ANKDD1A: variants seen among roughly 807,000 people sequenced by gnomAD.
ANKDD1A encodes the protein ankyrin repeat and death domain-containing protein 1A.
A neutral mutation model predicts 63.5 loss-of-function variants in ANKDD1A; 59 were observed. That is an observed-to-expected ratio of 0.93 (90% CI 0.75 to 1.15). The LOEUF (loss-of-function observed/expected upper bound fraction) is 1.15. ANKDD1A is among the 50% of genes most tolerant of loss of function. The pLI is 0.00. For synonymous variants in ANKDD1A, 266 were observed against 263.9 expected, an observed-to-expected ratio of 1.01 and a Z score of -0.08; for missense variants, 632 against 656.4, an observed-to-expected ratio of 0.96 and a Z score of 0.41.
In ANKDD1A at chr15:64,931,502, C is replaced by A; in HGVS notation, c.685C>A (p.Leu229Met). 1 of 1,613,908 alleles carries A rather than the reference C, an allele frequency of 6.2e-7. No individual in the cohort carries two copies. Among genetic ancestry groups the A allele is most frequent in the Non-Finnish European group, 8.5e-7 (1 of 1,179,936 alleles). Residue 229 changes from leucine to methionine, a missense_variant, in exon 8 of 15, where the codon CTG becomes ATG. By Grantham distance (15) the Leu-to-Met change is conservative. Transcript: ENST00000319580. ...TGTGTTGCAGGAAGGTCTGACTGCCCTGCATTCGGCTGCTGGAGGATCCCA... is the reference window on the plus strand; with the variant it reads ...TGTGTTGCAGGAAGGTCTGACTGCCATGCATTCGGCTGCTGGAGGATCCCA... The part of the protein sequence containing the change: ...EEQNAEGLTA[L>M]HSAAGGSHPD...
chr15:64,911,996 G>GCCCCCCCC, intron 1 of ANKDD1A, 32 bp downstream of exon 1: 4 of 320,686 alleles, frequency 1.2e-5, no homozygotes, highest in Non-Finnish European at 2.1e-5. Flanking sequence ...AGGGGGGCGG[G>GCCCCCCCC]CCGAGGCCGA....
chr15:64,935,853 A>G (rs1323994485), intron 9 of ANKDD1A, among the ~76,000 whole-genome samples: 1 of 152,116 alleles, frequency 6.6e-6, no homozygotes, highest in African/African-American at 2.4e-5. Context: ...AAAAGAAAAA[A>G]AAAAGTAGTG....
At chr15:64,936,955 C>T (rs1054490825) in intron 9 of ANKDD1A, among the ~76,000 whole-genome samples, 2 of 152,144 alleles carry the variant, frequency 1.3e-5, no homozygotes, top group Non-Finnish European at 2.9e-5. Flanking sequence ...AAAGGAAACA[C>T]AGAGGATTCT....
chr15:64,955,036 CTTCT>C (rs1471818411), intron 14 of ANKDD1A, among the ~76,000 whole-genome samples: 3 of 60,846 alleles, frequency 4.9e-5, no homozygotes, highest in Non-Finnish European at 1.2e-4. Flanking sequence ...TCCTCTTCTT[CTTCT>C]TTCTTTCTTT....
At chr15:64,936,348 T>C (rs2085132187) in intron 9 of ANKDD1A, among the ~76,000 whole-genome samples, 1 of 152,178 alleles carries the variant, frequency 6.6e-6, no homozygotes, top group Non-Finnish European at 1.5e-5. Context: ...AGAATCCTGA[T>C]GCCAGCCCAG....
chr15:64,925,383 G>A (rs921431624), intron 4 of ANKDD1A, among the ~76,000 whole-genome samples: 2 of 152,004 alleles, frequency 1.3e-5, no homozygotes, highest in African/African-American at 4.8e-5. Flanking sequence ...CTTAATACAA[G>A]GCAGGAGTAG....
chr15:64,912,472 G>C (rs1006520579), intron 1 of ANKDD1A, among the ~76,000 whole-genome samples: 3 of 152,234 alleles, frequency 2.0e-5, no homozygotes, highest in Non-Finnish European at 4.4e-5. Flanking sequence ...GACCGCATCA[G>C]ATGGGGCACG....
intron 11 of ANKDD1A, 137 bp from the exon 12 acceptor site, chr15:64,944,515 C>G (rs1028091061): frequency 9.9e-6 from 7 of 706,096 alleles, no homozygotes; most frequent in Non-Finnish European, 1.6e-5. Flanking sequence ...CCCAGAAAAC[C>G]AGAAAACCTT....
At chr15:64,919,552 G>A (rs1374965848) in intron 3 of ANKDD1A, among the ~76,000 whole-genome samples, 1 of 152,212 alleles carries the variant, frequency 6.6e-6, no homozygotes, top group African/African-American at 2.4e-5. Flanking sequence ...ATTTCATGAG[G>A]AAGAACTTAA....
chr15:64,947,010 G>C (rs1279305299), intron 12 of ANKDD1A, among the ~76,000 whole-genome samples: 1 of 152,164 alleles, frequency 6.6e-6, no homozygotes, highest in Non-Finnish European at 1.5e-5. Context: ...TTCTTGCCCT[G>C]CCTGGTTTTG....
chr15:64,952,849 C>T (rs184777155), intron 14 of ANKDD1A, among the ~76,000 whole-genome samples: 355 of 18,712 alleles, frequency 0.019, 3 homozygotes, highest in Non-Finnish European at 0.082. Flanking sequence ...TTCTCCTTGT[C>T]TCTTCTCCTT....
intron 12 of ANKDD1A, among the ~76,000 whole-genome samples, chr15:64,946,704 C>A (rs1226055388): frequency 6.6e-6 from 1 of 152,134 alleles, no homozygotes; most frequent in Non-Finnish European, 1.5e-5. Context: ...AAACACTGCC[C>A]CAGGGGACCA....
intron 1 of ANKDD1A, among the ~76,000 whole-genome samples, chr15:64,913,259 A>C (rs1385685538): frequency 2.0e-5 from 3 of 152,120 alleles, no homozygotes; most frequent in Non-Finnish European, 4.4e-5. Flanking sequence ...ACAGACCTAC[A>C]AGGGGGATGT....
intron 14 of ANKDD1A, chr15:64,951,172 ATGTTTGT>A: frequency 9.2e-7 from 1 of 1,084,342 alleles, no homozygotes; most frequent in Non-Finnish European, 1.1e-6. Context: ...CAGGAGGCAA[ATGTTTGT>A]ACACTGATCT....
At chr15:64,956,360 T>C (rs980339996) in intron 14 of ANKDD1A, among the ~76,000 whole-genome samples, 9 of 151,870 alleles carry the variant, frequency 5.9e-5, no homozygotes, top group South Asian at 2.1e-4. Flanking sequence ...CCATCCTGGC[T>C]AACACAGTGA....
chr15:64,934,500 C>CTTT (rs546780732), intron 9 of ANKDD1A, among the ~76,000 whole-genome samples: 9 of 125,634 alleles, frequency 7.2e-5, no homozygotes, highest in Non-Finnish European at 1.0e-4. Context: ...TTTTTCTTTT[C>CTTT]TTTTTTTTTT....
At chr15:64,921,669 C>G (rs1421731256) in intron 3 of ANKDD1A, among the ~76,000 whole-genome samples, 4 of 152,186 alleles carry the variant, frequency 2.6e-5, no homozygotes, top group Non-Finnish European at 5.9e-5. Flanking sequence ...GCCACCAAGC[C>G]TGGCCGGCAG....
intron 14 of ANKDD1A, among the ~76,000 whole-genome samples, chr15:64,951,691 C>CTTATTTCTTTT (rs1218099535): frequency 3.8e-4 from 45 of 117,594 alleles, no homozygotes; most frequent in Middle Eastern, 5.0e-3. Flanking sequence ...TTTCTTCTTC[C>CTTATTTCTTTT]TCTTCTTCTT....
At chr15:64,952,307 C>T (rs752400249) in intron 14 of ANKDD1A, among the ~76,000 whole-genome samples, 10 of 144,396 alleles carry the variant, frequency 6.9e-5, no homozygotes, top group African/African-American at 1.5e-4. Flanking sequence ...CCTCCTCCTT[C>T]GTTCTTTTTC....
Sources: allele counts gnomAD v4.1 joint callset (sites outside exome capture counted in the v4.1 genomes callset), GRCh38; gene constraint gnomAD v4.1.1; transcripts MANE v1.5; gene names NCBI Gene and HGNC (gene_info 2026-07-23, HGNC 2026-07-21).